The following USP32 variants were observed in gnomAD, a reference collection of about 807,000 sequenced individuals.
The protein encoded by USP32 is ubiquitin specific peptidase 32, also known as ubiquitin carboxyl-terminal hydrolase 32.
Under a neutral mutation model 204.8 loss-of-function variants are expected in USP32, and 59 were observed. The ratio of observed to expected loss-of-function variants is 0.29; its 90% CI spans 0.23 to 0.36. USP32 has a LOEUF of 0.36. Among genes scored for constraint, USP32 ranks in the 10% least tolerant of loss-of-function variants. The probability of loss-of-function intolerance (pLI) is 1.00; values close to 1 mark genes in which losing one functional copy is unlikely to be tolerated. For missense variants in USP32, 1,160 were observed against 1,946.4 expected, an observed-to-expected ratio of 0.60 and a Z score of 7.60; for synonymous variants, 517 against 678.4, an observed-to-expected ratio of 0.76 and a Z score of 3.70.
At chr17:60,361,152 A>G in intron 1 of USP32, among the ~76,000 whole-genome samples, 1 of 152,102 alleles carries the variant, frequency 6.6e-6, no homozygotes, top group Admixed American at 6.6e-5. Context: ...AACAACAACA[A>G]AAACCCGGTA....
At chr17:60,415,996 C>T (rs556901137) in intron 1 of USP32, among the ~76,000 whole-genome samples, 159 of 152,088 alleles carry the variant, frequency 1.0e-3, no homozygotes, top group African/African-American at 3.7e-3. Flanking sequence ...CGTGCCACCA[C>T]GCCCAGCTAA....
chr17:60,404,821 T>C (rs1199363468), intron 1 of USP32, among the ~76,000 whole-genome samples: 1 of 152,200 alleles, frequency 6.6e-6, no homozygotes, highest in Non-Finnish European at 1.5e-5. Flanking sequence ...CTGGTCTTTT[T>C]ACTTAACAGT....
intron 27 of USP32, among the ~76,000 whole-genome samples, chr17:60,194,231 A>G (rs1405487641): frequency 1.3e-5 from 2 of 152,032 alleles, no homozygotes; most frequent in Admixed American, 6.6e-5. Flanking sequence ...TTTTGTAAAG[A>G]CAGTATTTCA....
At chr17:60,321,137 A>G (rs73993257) in intron 2 of USP32, among the ~76,000 whole-genome samples, 86 of 152,314 alleles carry the variant, frequency 5.6e-4, no homozygotes, top group African/African-American at 1.9e-3. Flanking sequence ...GAAGCTCAGG[A>G]AAGTTGTCTT....
At chr17:60,312,887 A>G (rs2087888053) in intron 2 of USP32, among the ~76,000 whole-genome samples, 1 of 152,224 alleles carries the variant, frequency 6.6e-6, no homozygotes, top group African/African-American at 2.4e-5. Context: ...ATATGAATAC[A>G]TTAAGTACTC....
upstream of USP32, among the ~76,000 whole-genome samples, chr17:60,393,661 G>T (rs1218957085): frequency 1.3e-5 from 2 of 151,676 alleles, no homozygotes; most frequent in Non-Finnish European, 2.9e-5. Flanking sequence ...CCCTGCTAGA[G>T]AAAGAAGGTA....
intron 1 of USP32, among the ~76,000 whole-genome samples, chr17:60,355,849 G>A (rs1019325999): frequency 1.6e-3 from 26 of 16,740 alleles, no homozygotes; most frequent in Admixed American, 3.0e-3. Context: ...AAAAAAAAGA[G>A]AGAGAAAGAA....
intron 26 of USP32, among the ~76,000 whole-genome samples, chr17:60,204,248 G>A (rs1281576272): frequency 6.6e-6 from 1 of 152,084 alleles, no homozygotes; most frequent in South Asian, 2.1e-4. Flanking sequence ...CCGCATTTAC[G>A]TGGCAGTGAA....
In USP32 at chr17:60,338,327, A is replaced by G. The variant is rs531903085; in HGVS notation, c.186+7154T>C. ...GTGACAGAGCAAGACTCTATCTCAAAAAAAAAAAAAAAAATACTACATAGA... is the reference window on the plus strand; with the variant it reads ...GTGACAGAGCAAGACTCTATCTCAAGAAAAAAAAAAAAAATACTACATAGA... On this transcript the variant is annotated intron_variant, in intron 2 of 33. Transcript: ENST00000300896. Among the ~76,000 whole-genome samples, 3 of 151,080 alleles carry G rather than the reference A, an allele frequency of 2.0e-5. No individual in the cohort carries two copies. The South Asian group carries it at 6.2e-4, about 31-fold the overall frequency.
intron 11 of USP32, chr17:60,249,851 C>CT (rs886634100): frequency 0.031 from 13,951 of 445,536 alleles, 1 homozygote; most frequent in South Asian, 0.041. Context: ...AATCACGATA[C>CT]TTTTTTTTTT....
exon 1 of USP32, chr17:60,422,304 C>T (rs1598329901): frequency 1.9e-6 from 1 of 533,970 alleles, no homozygotes; most frequent in Non-Finnish European, 3.1e-6. Context: ...GCCAGCCTCT[C>T]CTGGCCTGCT....
At chr17:60,199,792 C>T (rs906295173) in intron 26 of USP32, among the ~76,000 whole-genome samples, 20 of 152,116 alleles carry the variant, frequency 1.3e-4, no homozygotes, top group African/African-American at 4.8e-4. Flanking sequence ...TAGCTAAACC[C>T]ACACAATTTT....
In USP32 at chr17:60,344,838, A is replaced by AT. The variant is rs1020819058; in HGVS notation, c.186+642dup. ...CTACAAAATAGTAAACTTTTATTTTATTTTTTTTAGAGACAGTGTCTCACT... is the reference window on the plus strand; with the variant it reads ...CTACAAAATAGTAAACTTTTATTTTATTTTTTTTTAGAGACAGTGTCTCACT... On this transcript the variant is annotated intron_variant, in intron 2 of 33. Coordinates refer to ENST00000300896, the MANE Select transcript of USP32 (RefSeq NM_032582.4). Among the ~76,000 whole-genome samples, 19 of 152,052 alleles carry AT rather than the reference A, an allele frequency of 1.2e-4. No homozygotes were observed. The East Asian group carries it at 1.9e-3, about 15-fold the overall frequency.
At chr17:60,421,748 C>A (rs773774214) in intron 1 of USP32, 9 of 830,354 alleles carry the variant, frequency 1.1e-5, no homozygotes, top group Admixed American at 1.2e-4. Flanking sequence ...CTCTGCCCAC[C>A]GCGTTTCCGC....
intron 18 of USP32, among the ~76,000 whole-genome samples, chr17:60,213,228 T>C (rs1307945048): frequency 1.3e-5 from 2 of 152,206 alleles, no homozygotes; most frequent in African/African-American, 4.8e-5. Context: ...TGCTACTAAC[T>C]ATGCAAGAAA....
rs1302769427 is a variant in USP32 at position 60,220,514 on chromosome 17, A to G, written c.1750-727T>C. On this transcript the variant is annotated intron_variant, in intron 15 of 33. Coordinates refer to ENST00000300896, the MANE Select transcript of USP32 (RefSeq NM_032582.4). Reference sequence around the variant, plus strand: ...TCAGATTTCACATTGTTGGAACAGGATTTTTAAGTAGTTTTAACCTGCTTA... The same window carrying G: ...TCAGATTTCACATTGTTGGAACAGGGTTTTTAAGTAGTTTTAACCTGCTTA... Among the ~76,000 whole-genome samples the G allele has an allele frequency of 2.0e-5, 3 of 152,234 alleles. No individual in the cohort carries two copies. The East Asian group carries it at 5.8e-4, about 29-fold the overall frequency.
chr17:60,403,043 C>T (rs1014782002), intron 1 of USP32, among the ~76,000 whole-genome samples: 3 of 151,916 alleles, frequency 2.0e-5, no homozygotes, highest in Non-Finnish European at 2.9e-5. Context: ...GACGGAGTCT[C>T]GCTCTGTTGC....
At chr17:60,195,409 C>T (rs1238694324) in intron 27 of USP32, among the ~76,000 whole-genome samples, 2 of 152,180 alleles carry the variant, frequency 1.3e-5, no homozygotes, top group Non-Finnish European at 2.9e-5. Context: ...GTGATCTCAG[C>T]TCACTGCAAC....
chr17:60,392,335 T>G (rs2089856210), upstream of USP32: 3 of 288,430 alleles, frequency 1.0e-5, no homozygotes, highest in East Asian at 1.1e-4. Flanking sequence ...CTCCCCAAGC[T>G]AACCGCGCGC....
Sources: allele counts gnomAD v4.1 joint callset (sites outside exome capture counted in the v4.1 genomes callset), GRCh38; gene constraint gnomAD v4.1.1; transcripts MANE v1.5; gene names NCBI Gene and HGNC (gene_info 2026-07-23, HGNC 2026-07-21).